Variants in ZNF175 observed in about 807,000 individuals in gnomAD.
ZNF175 encodes the protein zinc finger protein 175.
A neutral mutation model predicts 14.0 loss-of-function variants in ZNF175; 8 were observed. The observed-to-expected ratio is 0.57, with a 90% CI of 0.34 to 1.03. The LOEUF is 1.03. Among genes scored for constraint, ZNF175 ranks in the 50% least tolerant of loss-of-function variants. The pLI, the probability that ZNF175 is intolerant of heterozygous loss-of-function variation, is 0.03. For missense variants in ZNF175, 764 were observed against 849.5 expected (o/e 0.90, Z 1.25); for synonymous variants, 255 against 296.8 (o/e 0.86, Z 1.45).
Position 51,587,070 on chromosome 19 carries a change from A to G in ZNF175, c.739A>G (p.Thr247Ala). The G allele has an allele frequency of 6.2e-7, 1 of 1,614,190 alleles. No homozygotes were observed. Among genetic ancestry groups the G allele is most frequent in the Non-Finnish European group, 8.5e-7 (1 of 1,180,012 alleles). Reference sequence around the variant, plus strand: ...TGATGCCTGCAGCAAGAATATTCATACAGGAGAGACATTTTGCAAAGGTAA... The same window carrying G: ...TGATGCCTGCAGCAAGAATATTCATGCAGGAGAGACATTTTGCAAAGGTAA... ...SSDACSKNIH[T>A]GETFCKGNQC... Residue 247 changes from threonine (T) to alanine (A), a missense_variant, in exon 5 of 5, where the codon ACA becomes GCA. Physicochemically the swap from Thr to Ala is moderately conservative, Grantham distance 58. Coordinates refer to ENST00000262259, the MANE Select transcript of ZNF175 (RefSeq NM_007147.4).
At chr19:51,579,157 G>A (rs1981910081) in intron 2 of ZNF175, among the ~76,000 whole-genome samples, 1 of 151,374 alleles carries the variant, frequency 6.6e-6, no homozygotes, top group South Asian at 2.1e-4. Context: ...GGAGGCTGAG[G>A]CAGGAGAATC....
At chr19:51,581,644 T>G in intron 3 of ZNF175, 127 bp downstream of exon 3, 1 of 1,518,492 alleles carries the variant, frequency 6.6e-7, no homozygotes, top group Non-Finnish European at 8.8e-7. Flanking sequence ...CTGGATTGTT[T>G]GTTTCTTTTG....
At position 51,573,269 on chromosome 19, in the gene ZNF175, G is replaced by A. The variant is rs1981653098; in HGVS notation, c.-61G>A. ...AAATCCAAACACCTATCCAGCTTCT[G>A]GCTCCTGGGAAAAGTGGAGTTGTCA... On this transcript the variant is annotated 5_prime_UTR_variant, in exon 2 of 5. Transcript: ENST00000262259. 3 of 1,571,632 alleles carry A rather than the reference G, an allele frequency of 1.9e-6. No individual in the cohort carries two copies. Among genetic ancestry groups the A allele is most frequent in the Non-Finnish European group, 2.6e-6 (3 of 1,143,826 alleles).
At position 51,587,756 on chromosome 19, in the gene ZNF175, T is replaced by C. The variant is rs1982218033; in HGVS notation, c.1425T>C (p.Tyr475=). ...HQRSHTGEKP[Y]QCHNCGKSFI... ...GAAGCCACACAGGAGAAAAACCTTA[T>C]CAGTGCCACAACTGTGGGAAATCCT... is the stretch of plus-strand genomic sequence containing the variant. Residue 475 remains tyrosine, a synonymous_variant, in exon 5 of 5, where the codon TAT becomes TAC. Coordinates refer to ENST00000262259, the MANE Select transcript of ZNF175 (RefSeq NM_007147.4). 6.2e-7 allele frequency: 1 copy of C among 1,614,166 alleles called. No individual in the cohort carries two copies.
At chr19:51,580,085 AT>A (rs1458589468) in intron 2 of ZNF175, among the ~76,000 whole-genome samples, 6 of 152,068 alleles carry the variant, frequency 3.9e-5, no homozygotes, top group Non-Finnish European at 5.9e-5. Context: ...CATTAAATTG[AT>A]TTTATCTGTC....
At position 51,588,792 on chromosome 19, in the gene ZNF175, C is replaced by T. The variant is rs939061882; in HGVS notation, c.*325C>T. 2 of 403,770 alleles carry T rather than the reference C, an allele frequency of 5.0e-6. No homozygotes were observed. Among genetic ancestry groups the T allele is most frequent in the African/African-American group, 4.1e-5 (2 of 48,502 alleles). 25.0% of individuals were successfully genotyped at this position (403,770 alleles called of 1,614,324 possible). On this transcript the variant is annotated 3_prime_UTR_variant, in exon 5 of 5. Coordinates refer to ENST00000262259, the MANE Select transcript of ZNF175 (RefSeq NM_007147.4). ...GAATGGTACAAGACAGGTTGTTACT[C>T]GATTATTTATAGTAAAATATGTGGG... is the stretch of plus-strand genomic sequence containing the variant.
chr19:51,592,432 ACAC>A lies in ZNF175; in HGVS notation c.*3966_*3968del. ...ATGGTGGCTGTCCACCATGAGTACA[ACAC>A]AAATGCTCGTTCTTAATGATTCAAC... On this transcript the variant is annotated 3_prime_UTR_variant, in exon 5 of 5. Coordinates refer to ENST00000262259, the MANE Select transcript of ZNF175 (RefSeq NM_007147.4). 9.3e-6 allele frequency: 5 copies of A among 540,410 alleles called. No individual in the cohort carries two copies. Among genetic ancestry groups the A allele is most frequent in the Admixed American group, 3.6e-5 (1 of 27,700 alleles). The allele number at this position is 540,410 out of a possible 1,614,324, so 33.5% of individuals were successfully genotyped here. A position where few individuals can be genotyped will look rare whatever the true frequency, so the allele number is the denominator to read the frequency against.
intron 2 of ZNF175, among the ~76,000 whole-genome samples, chr19:51,577,253 AT>A (rs937348298): frequency 8.5e-5 from 13 of 152,094 alleles, no homozygotes; most frequent in Non-Finnish European, 1.8e-4. Flanking sequence ...GTTGGAAATC[AT>A]TTTTTTCTTC....
Position 51,587,477 on chromosome 19 carries a change from G to A in ZNF175, c.1146G>A (p.Gln382=). Residue 382 remains glutamine, a synonymous_variant, in exon 5 of 5, where the codon CAG becomes CAA. Coordinates refer to ENST00000262259, the MANE Select transcript of ZNF175 (RefSeq NM_007147.4). ...FFQMLSLFRH[Q]RTHSREKLYE... ...AGATGTTATCTCTCTTCAGACATCA[G>A]AGAACTCACAGTAGAGAAAAACTCT... is the stretch of plus-strand genomic sequence containing the variant. 2 of 1,614,246 alleles carry A rather than the reference G, an allele frequency of 1.2e-6. No homozygotes were observed. Among genetic ancestry groups the A allele is most frequent in the Non-Finnish European group, 1.7e-6 (2 of 1,180,048 alleles).
chr19:51,587,409 A>G lies in ZNF175; in HGVS notation c.1078A>G (p.Lys360Glu), dbSNP rs762765978. The change falls in exon 5 of 5, where the codon AAG (lysine) becomes GAG (glutamate). Residue 360 changes from lysine (K) to glutamate (E), a missense_variant. By Grantham distance (56) the Lys-to-Glu change is moderately conservative (BLOSUM62 1). Transcript: ENST00000262259. ...LLTHQKTHTR[K>E]KPYKCHDCGK... ...TACGCACCAGAAAACACACACTAGAAAGAAGCCCTATAAATGCCATGACTG... is the reference window on the plus strand; with the variant it reads ...TACGCACCAGAAAACACACACTAGAGAGAAGCCCTATAAATGCCATGACTG... 36 of 1,614,122 alleles carry G rather than the reference A, an allele frequency of 2.2e-5. No individual in the cohort carries two copies. Among genetic ancestry groups the G allele is most frequent in the Non-Finnish European group, 3.0e-5 (35 of 1,180,002 alleles).
At position 51,587,976 on chromosome 19, in the gene ZNF175, C is replaced by T; in HGVS notation, c.1645C>T (p.His549Tyr). The T allele has an allele frequency of 1.2e-6, 2 of 1,614,202 alleles. No individual in the cohort carries two copies. Among genetic ancestry groups the T allele is most frequent in the Non-Finnish European group, 1.7e-6 (2 of 1,180,032 alleles). Residue 549 changes from histidine (H) to tyrosine (Y), a missense_variant, in exon 5 of 5, where the codon CAT (histidine) becomes TAT (tyrosine). Transcript: ENST00000262259. ...AFNQKSILSM[H>Y]QRIHTGEKPY... ...CAACCAGAAGTCAATACTCAGCATGCATCAGAGAATTCACACCGGAGAGAA... is the reference window on the plus strand; with the variant it reads ...CAACCAGAAGTCAATACTCAGCATGTATCAGAGAATTCACACCGGAGAGAA...
At position 51,581,868 on chromosome 19, in the gene ZNF175, A is replaced by T; in HGVS notation, c.281A>T (p.His94Leu). The T allele has an allele frequency of 1.2e-6, 2 of 1,613,740 alleles. No individual in the cohort carries two copies. The highest frequency in any genetic ancestry group is 1.7e-6 in the Non-Finnish European group (2 of 1,179,768). Residue 94 changes from histidine to leucine, a missense_variant, in exon 4 of 5, where the codon CAT (histidine) becomes CTT (leucine). Coordinates refer to ENST00000262259, the MANE Select transcript of ZNF175 (RefSeq NM_007147.4). Reference sequence around the variant, plus strand: ...CGTGTGGAGGAGGCTGAAGTCTCACATCAGAGGTGTCAAGGTGAGTAAGTT... The same window carrying T: ...CGTGTGGAGGAGGCTGAAGTCTCACTTCAGAGGTGTCAAGGTGAGTAAGTT... ...EPRVEEAEVSHQRCQEREFGL... is the reference protein window; with the variant it reads ...EPRVEEAEVSLQRCQEREFGL...
chr19:51,577,972 C>T (rs986991160), intron 2 of ZNF175, among the ~76,000 whole-genome samples: 1 of 151,840 alleles, frequency 6.6e-6, no homozygotes. Flanking sequence ...ATACCCCTCT[C>T]TCTTTTGTCC....
At position 51,589,387 on chromosome 19, in the gene ZNF175, A is replaced by G. The variant is rs1600088430; in HGVS notation, c.*920A>G. 7 of 582,960 alleles carry G rather than the reference A, an allele frequency of 1.2e-5. No individual in the cohort carries two copies. In the East Asian group the frequency reaches 2.0e-4, roughly 16 times the overall value. 36.1% of individuals were successfully genotyped at this position (582,960 alleles called of 1,614,324 possible). On this transcript the variant is annotated 3_prime_UTR_variant, in exon 5 of 5. Transcript: ENST00000262259. ...AAGAGAATCTAATCTAATTGTTTTT[A>G]TAAAAATTATTCCCTATTGAATATT...
At chr19:51,586,438 A>C (rs1982164478) in intron 4 of ZNF175, among the ~76,000 whole-genome samples, 189 bp from the exon 5 acceptor site, 1 of 152,270 alleles carries the variant, frequency 6.6e-6, no homozygotes. Flanking sequence ...TGCCTGGCAC[A>C]TGCTAAGTGC....
chr19:51,592,351 G>A lies in ZNF175; in HGVS notation c.*3884G>A, dbSNP rs936688923. 10 of 349,962 alleles carry A rather than the reference G, an allele frequency of 2.9e-5. No homozygotes were observed. The highest frequency in any genetic ancestry group is 1.1e-4 in the South Asian group (2 of 17,910). 21.7% of individuals were successfully genotyped at this position (349,962 alleles called of 1,614,324 possible). A position where few individuals can be genotyped will look rare whatever the true frequency, so the allele number is the denominator to read the frequency against. On this transcript the variant is annotated 3_prime_UTR_variant, in exon 5 of 5. Transcript: ENST00000262259. Reference sequence around the variant, plus strand: ...CACAATGGGAATAATAATAGATCTCGCCTTGTGGCTCCTTTGCAGATTACA... The same window carrying A: ...CACAATGGGAATAATAATAGATCTCACCTTGTGGCTCCTTTGCAGATTACA...
intron 2 of ZNF175, among the ~76,000 whole-genome samples, chr19:51,579,176 C>G (rs1981911304): frequency 6.6e-6 from 1 of 151,146 alleles, no homozygotes. Context: ...TCGCTTGAAC[C>G]CAGGAGTCAG....
At chr19:51,576,491 C>T (rs1441765367) in intron 2 of ZNF175, among the ~76,000 whole-genome samples, 3 of 152,146 alleles carry the variant, frequency 2.0e-5, no homozygotes, top group African/African-American at 7.2e-5. Context: ...CGAGGTACTG[C>T]TGCCATTATC....
At chr19:51,577,869 T>C (rs767923844) in intron 2 of ZNF175, among the ~76,000 whole-genome samples, 5 of 151,546 alleles carry the variant, frequency 3.3e-5, no homozygotes, top group South Asian at 2.1e-4. Flanking sequence ...TTCACCGTGT[T>C]AGCCAGGATG....
Sources: gnomAD v4.1 joint callset for allele counts (sites outside exome capture counted in the v4.1 genomes callset) on GRCh38, gnomAD v4.1.1 for gene constraint, MANE v1.5 for transcripts, NCBI Gene and HGNC (gene_info 2026-07-23, HGNC 2026-07-21) for gene names.